The following DGCR8 variants were observed in gnomAD, a reference collection of about 807,000 sequenced individuals.
The protein encoded by DGCR8 is DGCR8 microprocessor complex subunit.
Under a neutral mutation model 78.5 loss-of-function variants are expected in DGCR8, and 14 were observed. That is an observed-to-expected ratio of 0.18 (90% CI 0.12 to 0.28). DGCR8 has a LOEUF of 0.28. Among genes scored for constraint, DGCR8 ranks in the 10% least tolerant of loss-of-function variants. DGCR8 has a pLI of 1.00. For synonymous variants in DGCR8, 399 were observed against 402.4 expected (o/e 0.99, Z 0.10); for missense variants, 702 against 1,022.5 (o/e 0.69, Z 4.28).
chr22:20,087,031 A>G lies in DGCR8; in HGVS notation c.721-131A>G. 2.5e-6 allele frequency: 3 copies of G among 1,199,200 alleles called. No homozygotes were observed. Among genetic ancestry groups the G allele is most frequent in the Non-Finnish European group, 2.3e-6 (2 of 857,390 alleles). The allele number at this position is 1,199,200 out of a possible 1,614,324, so 74.3% of individuals were successfully genotyped here. A position where few individuals can be genotyped will look rare whatever the true frequency, so the allele number is the denominator to read the frequency against. On this transcript the variant is annotated intron_variant, in intron 2 of 13. Transcript: ENST00000351989. The surrounding 1 kb of genome is among the most constrained non-coding windows in gnomAD (Gnocchi z 4.1). Reference sequence around the variant, plus strand: ...CTGTTTGTTTTTCAGATGATCATGCACCCTAAGGGCACATCTAGGCCCCCT... The same window carrying G: ...CTGTTTGTTTTTCAGATGATCATGCGCCCTAAGGGCACATCTAGGCCCCCT...
chr22:20,102,159 A>AT, intron 9 of DGCR8: 1 of 733,336 alleles, frequency 1.4e-6, no homozygotes, highest in Non-Finnish European at 1.7e-6. Context: ...GTTTTGACAA[A>AT]TACACAGTCA....
Position 20,110,786 on chromosome 22 carries a change from C to T in DGCR8, c.*678C>T, listed in dbSNP as rs2049831721. On this transcript the variant is annotated 3_prime_UTR_variant, in exon 14 of 14. Coordinates refer to ENST00000351989, the MANE Select transcript of DGCR8 (RefSeq NM_022720.7). ...AGCAAGGATGACGTCCTGCCACCTC[C>T]TGGAGTTACCCTGGCCTCCTAGGGT... 1 of 171,762 alleles carries T rather than the reference C, an allele frequency of 5.8e-6. No homozygotes were observed. The highest frequency in any genetic ancestry group is 1.2e-5 in the Non-Finnish European group (1 of 81,424). 10.6% of individuals were successfully genotyped at this position (171,762 alleles called of 1,614,324 possible).
intron 1 of DGCR8, 196 bp downstream of exon 1, chr22:20,080,579 G>A (rs2049406276): frequency 3.9e-6 from 3 of 759,512 alleles, no homozygotes; most frequent in Non-Finnish European, 4.8e-6. Flanking sequence ...GGGGCTGGGG[G>A]GCGGGCCCCG....
Position 20,086,990 on chromosome 22 carries a change from A to T in DGCR8, c.721-172A>T. 2.2e-6 allele frequency: 2 copies of T among 896,672 alleles called. No homozygotes were observed. Among genetic ancestry groups the T allele is most frequent in the Non-Finnish European group, 3.4e-6 (2 of 596,138 alleles). 55.5% of individuals were successfully genotyped at this position (896,672 alleles called of 1,614,324 possible). A position where few individuals can be genotyped will look rare whatever the true frequency, so the allele number is the denominator to read the frequency against. ...CCCCTGGACCAGGTGTGTTGGTGTC[A>T]GCTGGTAGCTTCATCCTGTTTGTTT... On this transcript the variant is annotated intron_variant, in intron 2 of 13. Coordinates refer to ENST00000351989, the MANE Select transcript of DGCR8 (RefSeq NM_022720.7). This position sits in a 1 kb window ranked among gnomAD's most constrained non-coding sequence, Gnocchi z 6.4.
chr22:20,102,931 G>A (rs9605064), intron 9 of DGCR8, among the ~76,000 whole-genome samples: 2 of 152,108 alleles, frequency 1.3e-5, no homozygotes, highest in East Asian at 1.9e-4. Context: ...TTAGGAGTTC[G>A]AGACCTGCCT....
chr22:20,106,483 C>G, intron 10 of DGCR8, 109 bp from the exon 11 acceptor site: 2 of 895,158 alleles, frequency 2.2e-6, no homozygotes, highest in African/African-American at 1.6e-5. Context: ...GAGATGCAGT[C>G]TGGGGAGAGG....
At chr22:20,091,095 G>A (rs2049552867) in intron 5 of DGCR8, among the ~76,000 whole-genome samples, 1 of 152,238 alleles carries the variant, frequency 6.6e-6, no homozygotes, top group Non-Finnish European at 1.5e-5. Flanking sequence ...GGCGCATGGA[G>A]CCCGGGTGCT....
At chr22:20,106,930 C>T (rs961388880) in intron 11 of DGCR8, 7 of 580,930 alleles carry the variant, frequency 1.2e-5, no homozygotes, top group Admixed American at 1.2e-4. Context: ...AGCCCTTGTC[C>T]CTGTGGCAGG....
rs2049824681 is a variant in DGCR8 at position 20,110,392 on chromosome 22, G to A, written c.*284G>A. On this transcript the variant is annotated 3_prime_UTR_variant, in exon 14 of 14. Coordinates refer to ENST00000351989, the MANE Select transcript of DGCR8 (RefSeq NM_022720.7). ...GTGACTGTGGACAGTGGTGGACCCT[G>A]CTTCTGTGCACCTGCTGCAGGCTCT... 1 of 414,732 alleles carries A rather than the reference G, an allele frequency of 2.4e-6. No individual in the cohort carries two copies. Among genetic ancestry groups the A allele is most frequent in the Non-Finnish European group, 4.3e-6 (1 of 231,918 alleles). 25.7% of individuals were successfully genotyped at this position (414,732 alleles called of 1,614,324 possible). A position where few individuals can be genotyped will look rare whatever the true frequency, so the allele number is the denominator to read the frequency against.
chr22:20,094,890 C>T (rs763617645), intron 9 of DGCR8, 95 bp downstream of exon 9: 19 of 993,574 alleles, frequency 1.9e-5, no homozygotes, highest in African/African-American at 9.5e-5. Flanking sequence ...GGGCTGTGCT[C>T]ATGCCTTCCA....
intron 9 of DGCR8, among the ~76,000 whole-genome samples, chr22:20,099,831 T>C (rs1486156026): frequency 6.6e-6 from 1 of 152,248 alleles, no homozygotes; most frequent in Admixed American, 6.5e-5. Context: ...TCTATGGTAG[T>C]ACTAACTTGC....
intron 8 of DGCR8, among the ~76,000 whole-genome samples, chr22:20,093,202 G>A (rs1004707391): frequency 5.3e-5 from 8 of 151,948 alleles, no homozygotes; most frequent in African/African-American, 1.7e-4. Context: ...TCAGGAGATC[G>A]AGACCATCCT....
chr22:20,087,102 T>G lies in DGCR8; in HGVS notation c.721-60T>G. 1 of 1,549,088 alleles carries G rather than the reference T, an allele frequency of 6.5e-7. No individual in the cohort carries two copies. The highest frequency in any genetic ancestry group is 8.7e-7 in the Non-Finnish European group (1 of 1,143,774). The stretch of plus-strand genomic sequence containing the variant: ...TCTGTTCTCAGGAATGCTGTTGAGC[T>G]CTCCTGTTGCAGGAGCATGAGCGCC... On this transcript the variant is annotated intron_variant, in intron 2 of 13. Coordinates refer to ENST00000351989, the MANE Select transcript of DGCR8 (RefSeq NM_022720.7). This position sits in a 1 kb window ranked among gnomAD's most constrained non-coding sequence, Gnocchi z 4.1.
At chr22:20,097,148 C>T (rs764298258) in intron 9 of DGCR8, among the ~76,000 whole-genome samples, 23 of 152,038 alleles carry the variant, frequency 1.5e-4, no homozygotes, top group Non-Finnish European at 3.1e-4. Context: ...TATCTTTGTC[C>T]AGTGTAACAG....
intron 3 of DGCR8, among the ~76,000 whole-genome samples, chr22:20,088,722 G>A (rs865995632): frequency 8.5e-5 from 13 of 152,278 alleles, no homozygotes; most frequent in South Asian, 2.1e-4. Context: ...AGGGCCACTT[G>A]GTGGGTACCT....
Position 20,095,548 on chromosome 22 carries a change from CGTA to C in DGCR8, c.1788+754_1788+756del, listed in dbSNP as rs1177851993. ...TGGTAACCTACTCTTGACCAGAAGC[CGTA>C]CCAGTAACAAACAATTGATTAATAC... On this transcript the variant is annotated intron_variant, in intron 9 of 13. Coordinates refer to ENST00000351989, the MANE Select transcript of DGCR8 (RefSeq NM_022720.7). Among the ~76,000 whole-genome samples, 13 of 152,114 alleles carry C rather than the reference CGTA, an allele frequency of 8.5e-5. No homozygotes were observed. The East Asian group carries it at 2.1e-3, about 25-fold the overall frequency.
intron 9 of DGCR8, among the ~76,000 whole-genome samples, chr22:20,103,821 C>T (rs1445382540): frequency 6.6e-6 from 1 of 152,230 alleles, no homozygotes; most frequent in Admixed American, 6.5e-5. Context: ...TATGACTACT[C>T]TGAACTACTG....
chr22:20,093,043 C>T (rs576598150), intron 8 of DGCR8, 136 bp downstream of exon 8: 1 of 612,822 alleles, frequency 1.6e-6, no homozygotes, highest in East Asian at 2.9e-5. Flanking sequence ...ATGTAATCAT[C>T]TACTTTGATT....
intron 1 of DGCR8, among the ~76,000 whole-genome samples, chr22:20,081,377 G>A (rs2049416472): frequency 6.6e-6 from 1 of 152,214 alleles, no homozygotes; most frequent in African/African-American, 2.4e-5. Context: ...AGGGTCCAGG[G>A]GAGCTTGCCG....
Sources: gnomAD v4.1 joint callset for allele counts (sites outside exome capture counted in the v4.1 genomes callset) on GRCh38, gnomAD v4.1.1 for gene constraint, Gnocchi (gnomAD v3.1) non-coding constraint, MANE v1.5 for transcripts, NCBI Gene and HGNC (gene_info 2026-07-23, HGNC 2026-07-21) for gene names.